Variants in LATS2 observed in about 807,000 individuals in gnomAD.
LATS2 encodes serine/threonine-protein kinase LATS2.
A neutral mutation model predicts 76.0 loss-of-function variants in LATS2; 24 were observed. The ratio of observed to expected loss-of-function variants is 0.32; its 90% CI spans 0.23 to 0.44. The LOEUF is 0.44. LATS2 is among the 20% of genes least tolerant of loss of function. The pLI, the probability that LATS2 is intolerant of heterozygous loss-of-function variation, is 1.00. For synonymous variants in LATS2, 692 were observed against 635.4 expected (o/e 1.09, Z -1.34); for missense variants, 1,286 against 1,481.2 (o/e 0.87, Z 2.16).
Position 20,973,759 on chromosome 13 carries a change from G to C in LATS2, c.*1111C>G, listed in dbSNP as rs545800603. On this transcript the variant is annotated 3_prime_UTR_variant, in exon 8 of 8. Transcript: ENST00000382592. ...CAGTAACAGAAGAAAACAGGACTAAGAACATTCACTGAAGCTTTCAGTGTG... is the reference window on the plus strand; with the variant it reads ...CAGTAACAGAAGAAAACAGGACTAACAACATTCACTGAAGCTTTCAGTGTG... The C allele has an allele frequency of 3.0e-5, 7 of 229,954 alleles. No homozygotes were observed. The East Asian group carries it at 4.4e-4, about 14-fold the overall frequency. 14.2% of individuals were successfully genotyped at this position (229,954 alleles called of 1,614,324 possible).
At chr13:21,058,414 A>G (rs75383175) in intron 1 of LATS2, among the ~76,000 whole-genome samples, 2 of 152,206 alleles carry the variant, frequency 1.3e-5, no homozygotes, top group African/African-American at 2.4e-5. Context: ...ATCAGCTTCA[A>G]TCCCCACCCT....
At chr13:20,989,448 C>G in intron 3 of LATS2, 144 bp from the exon 4 acceptor site, 1 of 830,744 alleles carries the variant, frequency 1.2e-6, no homozygotes. Flanking sequence ...TTCTGCCCAG[C>G]ACAGGGTCAG....
In LATS2 at chr13:20,988,861, G is replaced by C. The variant is rs779525816; in HGVS notation, c.919C>G (p.Pro307Ala). 1.3e-6 allele frequency: 2 copies of C among 1,585,210 alleles called. No individual in the cohort carries two copies. The highest frequency in any genetic ancestry group is 3.5e-5 in the Admixed American group (2 of 57,476). The change falls in exon 4 of 8, where the codon CCT becomes GCT. Residue 307 changes from proline to alanine, a missense_variant. Transcript: ENST00000382592. Reference sequence around the variant, plus strand: ...TGCGGCACGTAGAGCCCGGCGGCAGGGGGTGGGAAAGCGAGGCCGGCGCCT... The same window carrying C: ...TGCGGCACGTAGAGCCCGGCGGCAGCGGGTGGGAAAGCGAGGCCGGCGCCT... ...PPGAGLAFPP[P>A]AAGLYVPHPH...
At chr13:20,980,855 T>G (rs575477124) in intron 6 of LATS2, among the ~76,000 whole-genome samples, 3 of 152,152 alleles carry the variant, frequency 2.0e-5, no homozygotes, top group Non-Finnish European at 4.4e-5. Context: ...TACACCCCAT[T>G]GTCACTGTGG....
chr13:21,060,589 G>A (rs1437389540), intron 1 of LATS2, among the ~76,000 whole-genome samples: 1 of 152,014 alleles, frequency 6.6e-6, no homozygotes, highest in Non-Finnish European at 1.5e-5. Flanking sequence ...GGTGGCCTCT[G>A]AGGGGCTGAC....
At chr13:20,989,706 G>C (rs1015666843) in intron 3 of LATS2, among the ~76,000 whole-genome samples, 2 of 152,184 alleles carry the variant, frequency 1.3e-5, no homozygotes, top group Non-Finnish European at 2.9e-5. Context: ...TGAGTTTACC[G>C]ACACACGGTT....
intron 3 of LATS2, among the ~76,000 whole-genome samples, chr13:20,990,907 A>T (rs1254675394): frequency 2.0e-5 from 3 of 152,234 alleles, no homozygotes; most frequent in Non-Finnish European, 4.4e-5. Context: ...CCCTTGTCAA[A>T]GATCCCTCCA....
intron 1 of LATS2, among the ~76,000 whole-genome samples, chr13:21,058,979 TACA>T (rs532331013): frequency 2.7e-4 from 41 of 151,754 alleles, no homozygotes; most frequent in African/African-American, 8.9e-4. Context: ...ACCAAAAATA[TACA>T]ACAAGATTTA....
In LATS2 at chr13:20,973,194, T is replaced by C. The variant is rs1296889268; in HGVS notation, c.*1676A>G. On this transcript the variant is annotated 3_prime_UTR_variant, in exon 8 of 8. Transcript: ENST00000382592. ...GTAACAACATGGCACGACTATAAAATAGCGAGAATACTGACAGTCACGACG... is the reference window on the plus strand; with the variant it reads ...GTAACAACATGGCACGACTATAAAACAGCGAGAATACTGACAGTCACGACG... The C allele has an allele frequency of 4.3e-6, 1 of 232,456 alleles. No homozygotes were observed. Among genetic ancestry groups the C allele is most frequent in the Non-Finnish European group, 8.5e-6 (1 of 117,456 alleles). The allele number at this position is 232,456 out of a possible 1,614,324, so 14.4% of individuals were successfully genotyped here.
intron 1 of LATS2, among the ~76,000 whole-genome samples, chr13:21,050,484 G>C (rs528370526): frequency 6.6e-6 from 1 of 152,160 alleles, no homozygotes; most frequent in Non-Finnish European, 1.5e-5. Context: ...CTGTAGTTTA[G>C]CACATTTCTT....
chr13:21,017,151 G>A (rs1871832871), intron 2 of LATS2, among the ~76,000 whole-genome samples: 1 of 152,182 alleles, frequency 6.6e-6, no homozygotes, highest in South Asian at 2.1e-4. Context: ...CCTGGCACTT[G>A]AATGGCAGCC....
intron 1 of LATS2, among the ~76,000 whole-genome samples, chr13:21,051,998 A>G (rs1314716695): frequency 6.6e-6 from 1 of 152,152 alleles, no homozygotes; most frequent in Admixed American, 6.5e-5. Context: ...CTGGGTGTGC[A>G]GTGCTAAAGT....
chr13:21,001,946 C>T (rs1430395986), intron 2 of LATS2, among the ~76,000 whole-genome samples: 1 of 151,478 alleles, frequency 6.6e-6, no homozygotes, highest in Non-Finnish European at 1.5e-5. Flanking sequence ...CGGAGTCTCG[C>T]TCTGTCGCCC....
intron 7 of LATS2, among the ~76,000 whole-genome samples, chr13:20,975,901 C>T (rs1387349354): frequency 6.6e-6 from 1 of 152,160 alleles, no homozygotes; most frequent in Admixed American, 6.5e-5. Flanking sequence ...CCAGGCTAGT[C>T]CTGAACTCCT....
At chr13:20,994,632 T>C (rs594273) in intron 2 of LATS2, among the ~76,000 whole-genome samples, 108,074 of 152,024 alleles carry the variant, frequency 0.71, 39,507 homozygotes, top group Middle Eastern at 0.83. Context: ...TGGTGGCTCA[T>C]GCCTATAATC....
intron 2 of LATS2, among the ~76,000 whole-genome samples, chr13:21,027,816 T>C (rs1440803841): frequency 2.0e-5 from 3 of 152,182 alleles, no homozygotes; most frequent in Non-Finnish European, 4.4e-5. Context: ...CTGCTGAGAT[T>C]GTATTTGGAT....
At chr13:21,024,721 G>A (rs529636954) in intron 2 of LATS2, among the ~76,000 whole-genome samples, 44 of 148,572 alleles carry the variant, frequency 3.0e-4, no homozygotes, top group African/African-American at 1.0e-3. Context: ...GATGTTAAAA[G>A]ATGTATATTT....
In LATS2 at chr13:20,981,840, C is replaced by A. The variant is rs190279947; in HGVS notation, c.2483-192G>T. On this transcript the variant is annotated intron_variant, in intron 5 of 7. Transcript: ENST00000382592. ...CTGCTGTTCCTAGTTTGGAGACACACGTGGTGAGGTTGGCGCTAGCACCAA... is the reference window on the plus strand; with the variant it reads ...CTGCTGTTCCTAGTTTGGAGACACAAGTGGTGAGGTTGGCGCTAGCACCAA... 1.5e-3 allele frequency among the ~76,000 whole-genome samples: 227 copies of A among 152,274 alleles called. 2 individuals carry two copies. Among genetic ancestry groups the A allele is most frequent in the African/African-American group, 5.0e-3 (207 of 41,558 alleles).
At chr13:20,999,505 G>C (rs1470664346) in intron 2 of LATS2, among the ~76,000 whole-genome samples, 2 of 151,940 alleles carry the variant, frequency 1.3e-5, no homozygotes, top group African/African-American at 4.8e-5. Flanking sequence ...GTCTTGCTCT[G>C]TCACCCATGC....
Sources: gnomAD v4.1 joint callset for allele counts (sites outside exome capture counted in the v4.1 genomes callset) on GRCh38, gnomAD v4.1.1 for gene constraint, MANE v1.5 for transcripts, NCBI Gene and HGNC (gene_info 2026-07-23, HGNC 2026-07-21) for gene names.